The following TBL1Y variants were observed in gnomAD, a reference collection of about 807,000 sequenced individuals.
TBL1Y encodes F-box-like/WD repeat-containing protein TBL1Y.
A neutral mutation model predicts 12.0 loss-of-function variants in TBL1Y; 15 were observed. The ratio of observed to expected loss-of-function variants is 1.25; its 90% CI spans 0.83 to 1.92. The LOEUF (loss-of-function observed/expected upper bound fraction) is 1.92. Among genes scored for constraint, TBL1Y ranks in the 40% most tolerant of loss-of-function variants. The pLI, the probability that TBL1Y is intolerant of heterozygous loss-of-function variation, is 0.00. For synonymous variants in TBL1Y, 53 were observed against 42.6 expected, an observed-to-expected ratio of 1.24 and a Z score of -0.95; for missense variants, 148 against 116.7, an observed-to-expected ratio of 1.27 and a Z score of -1.24.
At chrY:6,998,743 T>A in intron 4 of TBL1Y, among the ~76,000 whole-genome samples, 1 of 33,246 alleles carries the variant, frequency 3.0e-5, no homozygotes, top group South Asian at 7.0e-4. Flanking sequence ...ACCTACACCA[T>A]AAATTAGTAT....
intron 7 of TBL1Y, among the ~76,000 whole-genome samples, chrY:7,059,253 A>G: frequency 3.0e-5 from 1 of 33,609 alleles, no homozygotes; most frequent in Non-Finnish European, 7.4e-5. Flanking sequence ...TAACAAGGCA[A>G]GCATTAAATG....
chrY:6,914,471 C>T (rs2011720504), intron 2 of TBL1Y, among the ~76,000 whole-genome samples: 1 of 31,922 alleles, frequency 3.1e-5, no homozygotes, highest in Non-Finnish European at 7.6e-5. Context: ...GGGTGGATCA[C>T]TTGAGGTCAG....
chrY:7,071,117 G>C (rs777428491), intron 10 of TBL1Y, among the ~76,000 whole-genome samples: 1 of 33,631 alleles, frequency 3.0e-5, no homozygotes, highest in South Asian at 6.9e-4. Flanking sequence ...TGAGCCTGTG[G>C]TCTCATGGTG....
At chrY:7,021,648 C>T in intron 5 of TBL1Y, 111 bp downstream of exon 5, 2 of 33,436 alleles carry the variant, frequency 6.0e-5, no homozygotes, top group South Asian at 6.7e-4. Context: ...ATTATGTTTT[C>T]GGGGAAAGTG....
At position 7,064,038 on chromosome Y, in the gene TBL1Y, T is replaced by G; in HGVS notation, c.346T>G (p.Ser116Ala). ...QQASAAATEA[S>A]AMAKAATMTP... is the part of the protein sequence containing the mutation. ...AGCCAGTGCAGCAGCCACAGAGGCA[T>G]CAGCAATGGCAAAGGCGGCAACCAT... Residue 116 changes from serine (S) to alanine (A), a missense_variant, in exon 8 of 19, where the codon TCA becomes GCA. Transcript: ENST00000383032. The G allele has an allele frequency of 2.5e-6, 1 of 398,545 alleles. No homozygotes were observed. The highest frequency in any genetic ancestry group is 3.5e-6 in the Non-Finnish European group (1 of 283,540).
At chrY:6,991,257 C>T in intron 3 of TBL1Y, among the ~76,000 whole-genome samples, 1 of 33,753 alleles carries the variant, frequency 3.0e-5, no homozygotes, top group Non-Finnish European at 7.3e-5. Flanking sequence ...ATCAGCATGG[C>T]TCACTCCTGG....
chrY:7,070,292 G>A lies in TBL1Y; in HGVS notation c.554G>A (p.Cys185Tyr). Residue 185 changes from cysteine (C) to tyrosine (Y), a missense_variant, in exon 9 of 19, where the codon TGT (cysteine) becomes TAT (tyrosine). Physicochemically the swap from Cys to Tyr is radical, Grantham distance 194 (BLOSUM62 -2). Coordinates refer to ENST00000383032, the MANE Select transcript of TBL1Y (RefSeq NM_033284.2). ...LRGHESEVFI[C>Y]AWNPVSDLLA... The stretch of plus-strand genomic sequence containing the variant: ...GGCCACGAGTCTGAGGTGTTCATTT[G>A]TGCCTGGAACCCTGTCAGTGATTTG... The A allele has an allele frequency of 7.5e-6, 3 of 398,256 alleles. No homozygotes were observed. The highest frequency in any genetic ancestry group is 1.1e-5 in the Non-Finnish European group (3 of 283,392).
Position 7,063,939 on chromosome Y carries a change from C to G in TBL1Y, c.247C>G (p.Leu83Val). ...CAGCCGCCCTATAGAGTCCCTGTCC[C>G]TGATAGTTGCTGTGATTCCTGATGT... ...FDSRPIESLS[L>V]IVAVIPDVVQ... The change falls in exon 8 of 19, where the codon CTG becomes GTG. Residue 83 changes from leucine (L) to valine (V), a missense_variant. Transcript: ENST00000383032. The G allele has an allele frequency of 2.5e-6, 1 of 398,008 alleles. No homozygotes were observed. The highest frequency in any genetic ancestry group is 3.5e-6 in the Non-Finnish European group (1 of 283,262).
intron 7 of TBL1Y, among the ~76,000 whole-genome samples, chrY:7,052,428 C>A: frequency 3.0e-5 from 1 of 33,725 alleles, no homozygotes; most frequent in Non-Finnish European, 7.3e-5. Context: ...AATGCTTGTT[C>A]CCCAGTGCCA....
At position 6,940,210 on chromosome Y, in the gene TBL1Y, G is replaced by A; in HGVS notation, c.-266+28038G>A. On this transcript the variant is annotated intron_variant, in intron 2 of 18. Transcript: ENST00000383032. ...CGGGAAGGCGGAGCTTGCAGTAAGC[G>A]GAGATCGCACCACTGCCCTCCAGCT... Among the ~76,000 whole-genome samples the A allele has an allele frequency of 1.7e-4, 5 of 29,821 alleles. No individual in the cohort carries two copies. In the East Asian group the frequency reaches 4.4e-3, roughly 26 times the overall value. 80.0% of individuals were successfully genotyped at this position (29,821 alleles called of 37,273 possible).
In TBL1Y at chrY:7,070,316, T is replaced by C; in HGVS notation, c.578T>C (p.Leu193Ser). The C allele has an allele frequency of 2.5e-6, 1 of 397,642 alleles. No homozygotes were observed. ...TGTGCCTGGAACCCTGTCAGTGATTTGCTAGCCTCTGGGTAAGGAAGTCAG... is the reference window on the plus strand; with the variant it reads ...TGTGCCTGGAACCCTGTCAGTGATTCGCTAGCCTCTGGGTAAGGAAGTCAG... ...FICAWNPVSD[L>S]LASGSGDSTA... The change falls in exon 9 of 19, where the codon TTG becomes TCG. Residue 193 changes from leucine (L) to serine (S), a missense_variant. Physicochemically the swap from Leu to Ser is moderately radical, Grantham distance 145. Transcript: ENST00000383032.
intron 7 of TBL1Y, among the ~76,000 whole-genome samples, chrY:7,063,264 A>G: frequency 3.0e-5 from 1 of 33,850 alleles, no homozygotes; most frequent in Non-Finnish European, 7.3e-5. Context: ...TCAGCAAGGC[A>G]AGTTACTTCT....
chrY:7,063,378 C>G, intron 7 of TBL1Y, among the ~76,000 whole-genome samples: 1 of 33,515 alleles, frequency 3.0e-5, no homozygotes, highest in Non-Finnish European at 7.4e-5. Flanking sequence ...CCTGCTGTGT[C>G]GTTCCGCAAT....
intron 2 of TBL1Y, among the ~76,000 whole-genome samples, chrY:6,969,329 G>A (rs1603031724): frequency 3.0e-5 from 1 of 33,846 alleles, no homozygotes; most frequent in Non-Finnish European, 7.4e-5. Flanking sequence ...GGGCAGTGCT[G>A]AGCTCTGAGG....
At chrY:7,010,208 T>A in intron 4 of TBL1Y, among the ~76,000 whole-genome samples, 1 of 33,580 alleles carries the variant, frequency 3.0e-5, no homozygotes, top group South Asian at 6.7e-4. Flanking sequence ...ATATGCAAAT[T>A]ATGTTCAAAT....
chrY:6,985,714 C>T (rs2012312421), intron 3 of TBL1Y, among the ~76,000 whole-genome samples: 1 of 32,833 alleles, frequency 3.0e-5, no homozygotes. Context: ...CTTCCTGCAT[C>T]CCAGGGGTGG....
chrY:7,064,711 G>C, intron 8 of TBL1Y, among the ~76,000 whole-genome samples: 1 of 33,428 alleles, frequency 3.0e-5, no homozygotes, highest in Non-Finnish European at 7.4e-5. Flanking sequence ...AACCCATAGA[G>C]AAGCCACTTC....
intron 6 of TBL1Y, among the ~76,000 whole-genome samples, chrY:7,042,644 C>T (rs779972040): frequency 6.1e-5 from 2 of 32,593 alleles, no homozygotes; most frequent in African/African-American, 1.2e-4. Flanking sequence ...CCACCTGCCT[C>T]GATGTGCTAA....
At chrY:7,011,291 T>C in intron 4 of TBL1Y, among the ~76,000 whole-genome samples, 1 of 33,685 alleles carries the variant, frequency 3.0e-5, no homozygotes, top group African/African-American at 1.2e-4. Flanking sequence ...ACCAAAAGTG[T>C]CTCCAGACAT....
Sources: allele counts gnomAD v4.1 joint callset (sites outside exome capture counted in the v4.1 genomes callset), GRCh38; gene constraint gnomAD v4.1.1; transcripts MANE v1.5; gene names NCBI Gene and HGNC (gene_info 2026-07-23, HGNC 2026-07-21).